The following RPN1 variants were observed in gnomAD, a reference collection of about 807,000 sequenced individuals.
RPN1 encodes the protein ribophorin I.
Under a neutral mutation model 55.5 loss-of-function variants are expected in RPN1, and 12 were observed. The observed-to-expected ratio is 0.22, with a 90% confidence interval of 0.14 to 0.35. The LOEUF (loss-of-function observed/expected upper bound fraction) is 0.35, where lower values mean the gene tolerates loss of function less well. Ranked by LOEUF, RPN1 falls within the 10% of genes least tolerant of loss-of-function variation. The pLI, the probability that RPN1 is intolerant of heterozygous loss-of-function variation, is 1.00. For missense variants in RPN1, 679 were observed against 761.3 expected (o/e 0.89, Z 1.27); for synonymous variants, 317 against 305.9 (o/e 1.04, Z -0.38).
intron 5 of RPN1, among the ~76,000 whole-genome samples, chr3:128,627,687 C>T (rs1366367172): frequency 6.7e-6 from 1 of 148,670 alleles, no homozygotes; most frequent in Non-Finnish European, 1.5e-5. Flanking sequence ...AAGAAAATCA[C>T]TGGAACCCAG....
chr3:128,648,884 A>G (rs2069790789), intron 1 of RPN1, among the ~76,000 whole-genome samples: 1 of 152,234 alleles, frequency 6.6e-6, no homozygotes, highest in Middle Eastern at 3.2e-3. Flanking sequence ...TGGAGCCCTG[A>G]CTTACTCTGC....
chr3:128,646,944 G>A (rs1380745638), intron 1 of RPN1, among the ~76,000 whole-genome samples: 2 of 151,622 alleles, frequency 1.3e-5, no homozygotes, highest in Non-Finnish European at 2.9e-5. Context: ...CTGCACTCCA[G>A]CCTGGGCAAC....
chr3:128,638,881 A>G (rs1339884179), intron 2 of RPN1, among the ~76,000 whole-genome samples: 1 of 151,974 alleles, frequency 6.6e-6, no homozygotes, highest in Non-Finnish European at 1.5e-5. Flanking sequence ...TGGGAGGATC[A>G]CTTGAACCCG....
At chr3:128,637,776 G>A (rs1188155252) in intron 3 of RPN1, 23 bp downstream of exon 3, 2 of 1,603,998 alleles carry the variant, frequency 1.2e-6, no homozygotes, top group Non-Finnish European at 1.7e-6. Flanking sequence ...GACAGGGATG[G>A]GCTGGACTCC....
At position 128,631,958 on chromosome 3, in the gene RPN1, C is replaced by T. The variant is rs760701141; in HGVS notation, c.833G>A (p.Arg278His). Residue 278 changes from arginine (R) to histidine (H), a missense_variant, in exon 4 of 10, where the codon CGT (arginine) becomes CAT (histidine). By Grantham distance (29) the Arg-to-His change is conservative. Coordinates refer to ENST00000296255, the MANE Select transcript of RPN1 (RefSeq NM_002950.4). The stretch of plus-strand genomic sequence containing the variant: ...TTGAACATTCCATACCTTAAAAGAA[C>T]GGATGGAGGATATTCCACTATCTGG... ...RQPDSGISSI[R>H]SFKTILPAAA... 7.4e-6 allele frequency: 12 copies of T among 1,614,084 alleles called. No homozygotes were observed. In the Middle Eastern group the frequency reaches 5.0e-4, roughly 67 times the overall value.
intron 9 of RPN1, 82 bp from the exon 10 acceptor site, chr3:128,620,675 A>T (rs1576790481): frequency 7.0e-7 from 1 of 1,428,408 alleles, no homozygotes; most frequent in East Asian, 2.3e-5. Context: ...CCAGGCCTAC[A>T]GACCCCAGAG....
chr3:128,621,982 A>C (rs1161788725), intron 9 of RPN1, among the ~76,000 whole-genome samples, 182 bp downstream of exon 9: 1 of 152,248 alleles, frequency 6.6e-6, no homozygotes, highest in African/African-American at 2.4e-5. Flanking sequence ...AGCTCACACC[A>C]GGACCCCAAA....
At chr3:128,642,718 T>C (rs984956946) in intron 2 of RPN1, among the ~76,000 whole-genome samples, 3 of 150,830 alleles carry the variant, frequency 2.0e-5, no homozygotes, top group Non-Finnish European at 4.4e-5. Flanking sequence ...AGAATAGATA[T>C]ACTCACATAC....
rs373598717 is a variant in RPN1, at chr3:128,650,770, G to C, written c.31C>G (p.Leu11Val). MEAPAAGLFL[L>V]LLLGTWAPAP... The stretch of plus-strand genomic sequence containing the variant: ...GGGGCCCAAGTCCCAAGCAACAGGA[G>C]CAGAAACAAGCCGGCGGCTGGCGCC... The change falls in exon 1 of 10, where the codon CTC becomes GTC. Residue 11 changes from leucine to valine, a missense_variant. This residue lies in a region of RPN1 where 352 missense variants were observed against 352.8 expected (regional missense o/e 1.00). Coordinates refer to ENST00000296255, the MANE Select transcript of RPN1 (RefSeq NM_002950.4). 1,067 of 1,543,252 alleles carry C rather than the reference G, an allele frequency of 6.9e-4. 2 individuals carry two copies. Among genetic ancestry groups the C allele is most frequent in the Non-Finnish European group, 8.2e-4 (936 of 1,142,700 alleles).
chr3:128,622,138 G>C, intron 9 of RPN1, 26 bp downstream of exon 9: 2 of 1,611,494 alleles, frequency 1.2e-6, no homozygotes, highest in South Asian at 1.1e-5. Flanking sequence ...CCCAAGCCAA[G>C]CAACTCTGTG....
intron 1 of RPN1, among the ~76,000 whole-genome samples, chr3:128,647,413 C>T (rs2811500): frequency 0.61 from 92,893 of 151,954 alleles, 28,542 homozygotes; most frequent in East Asian, 0.77. Flanking sequence ...ATATTCCAGC[C>T]AGGCCAAGTG....
intron 2 of RPN1, among the ~76,000 whole-genome samples, chr3:128,642,037 A>G: frequency 6.6e-6 from 1 of 152,226 alleles, no homozygotes; most frequent in East Asian, 1.9e-4. Context: ...AGATGCAAAA[A>G]GCACAGTCCT....
At chr3:128,632,231 G>A (rs533205284) in intron 3 of RPN1, 74 bp from the exon 4 acceptor site, 5 of 1,353,466 alleles carry the variant, frequency 3.7e-6, no homozygotes, top group African/African-American at 1.4e-5. Flanking sequence ...CAGATTGATT[G>A]GAGACAACCT....
rs76411056 is a variant in RPN1, at chr3:128,643,889, C to T, written c.326+1030G>A. ...GAGGCAAGAGAATCACTTGAACCAT[C>T]GCACCACTGCACTCCAGCCTGGGCA... is the stretch of plus-strand genomic sequence containing the variant. On this transcript the variant is annotated intron_variant, in intron 2 of 9. Transcript: ENST00000296255. Among the ~76,000 whole-genome samples the T allele has an allele frequency of 1.4e-3, 214 of 152,084 alleles. 3 individuals are homozygous for T. In the East Asian group the frequency reaches 0.037, roughly 26 times the overall value.
chr3:128,639,643 A>G (rs1035610602), intron 2 of RPN1, among the ~76,000 whole-genome samples: 1 of 151,842 alleles, frequency 6.6e-6, no homozygotes, highest in Non-Finnish European at 1.5e-5. Context: ...GCTGGAGTGA[A>G]ATGGCACAAT....
At position 128,625,888 on chromosome 3, in the gene RPN1, T is replaced by C; in HGVS notation, c.1261A>G (p.Ile421Val). ...AYKKNLVEQH[I>V]QDIVVHYTFN... ...GAGCCACTCACCACAATGTCCTGAA[T>C]GTGCTGTTCTACCAGATTTTTCTTG... Residue 421 changes from isoleucine to valine, a missense_variant, in exon 7 of 10, where the codon ATT (isoleucine) becomes GTT (valine). By Grantham distance (29) the Ile-to-Val change is conservative (BLOSUM62 3). Around this residue, in one of 3 missense-constraint regions of RPN1, gnomAD observed 306 missense variants for 360.0 expected, o/e 0.85. Transcript: ENST00000296255. 1 of 1,612,676 alleles carries C rather than the reference T, an allele frequency of 6.2e-7. No homozygotes were observed. The highest frequency in any genetic ancestry group is 2.2e-5 in the East Asian group (1 of 44,886).
rs766530454 is a variant in RPN1 at position 128,631,963 on chromosome 3, G to C, written c.828C>G (p.Ser276=). 6.2e-7 allele frequency: 1 copy of C among 1,614,156 alleles called. No individual in the cohort carries two copies. The highest frequency in any genetic ancestry group is 8.5e-7 in the Non-Finnish European group (1 of 1,180,034). Residue 276 remains serine, a synonymous_variant, in exon 4 of 10, where the codon TCC becomes TCG. Coordinates refer to ENST00000296255, the MANE Select transcript of RPN1 (RefSeq NM_002950.4). Reference sequence around the variant, plus strand: ...CATTCCATACCTTAAAAGAACGGATGGAGGATATTCCACTATCTGGCTGTC... The same window carrying C: ...CATTCCATACCTTAAAAGAACGGATCGAGGATATTCCACTATCTGGCTGTC... The part of the protein sequence containing the change: ...YQRQPDSGIS[S]IRSFKTILPA...
At chr3:128,644,368 G>A (rs754613698) in intron 2 of RPN1, 6 of 209,910 alleles carry the variant, frequency 2.9e-5, no homozygotes, top group South Asian at 6.7e-5. Flanking sequence ...AAACATCCTC[G>A]GTGGGGCGTA....
chr3:128,631,829 A>C lies in RPN1; in HGVS notation c.843+119T>G, dbSNP rs560741564. 36 of 1,029,192 alleles carry C rather than the reference A, an allele frequency of 3.5e-5. 1 individual carries two copies. In the South Asian group the frequency reaches 5.3e-4, roughly 15 times the overall value. The allele number at this position is 1,029,192 out of a possible 1,614,324, so 63.8% of individuals were successfully genotyped here. Reference sequence around the variant, plus strand: ...GTTTCTAACACTGCCAATCAACAAGATGAACATCAGTCAACCCTAAACAAC... The same window carrying C: ...GTTTCTAACACTGCCAATCAACAAGCTGAACATCAGTCAACCCTAAACAAC... On this transcript the variant is annotated intron_variant, in intron 4 of 9. Coordinates refer to ENST00000296255, the MANE Select transcript of RPN1 (RefSeq NM_002950.4).
Sources: gnomAD v4.1 joint callset for allele counts (sites outside exome capture counted in the v4.1 genomes callset) on GRCh38, gnomAD v4.1.1 for gene constraint, gnomAD v4.1.1 regional missense constraint, MANE v1.5 for transcripts, NCBI Gene and HGNC (gene_info 2026-07-23, HGNC 2026-07-21) for gene names.